Variants in RBM25 observed in about 807,000 individuals in gnomAD.
RBM25 encodes the protein RNA binding motif protein 25.
Under a neutral mutation model 120.7 loss-of-function variants are expected in RBM25, and 19 were observed. That is an observed-to-expected ratio of 0.16 (90% confidence interval 0.11 to 0.23). The LOEUF is 0.23. RBM25 is among the 10% of genes least tolerant of loss of function. The pLI is 1.00. For synonymous variants in RBM25, 390 were observed against 326.7 expected, an observed-to-expected ratio of 1.19 and a Z score of -2.09; for missense variants, 605 against 1,041.5, an observed-to-expected ratio of 0.58 and a Z score of 5.77.
rs1022102595 is a variant in RBM25 at position 73,123,063 on chromosome 14, A to AT, written c.*3264dup. On this transcript the variant is annotated 3_prime_UTR_variant, in exon 19 of 19. Coordinates refer to ENST00000261973, the MANE Select transcript of RBM25 (RefSeq NM_021239.3). ...GCTTTTTTTCCATCCAGCCCTGAAA[A>AT]TTTTTTCTGTAGATAACTTTATGTT... 1.3e-5 allele frequency: 2 copies of AT among 151,870 alleles called. No homozygotes were observed. Among genetic ancestry groups the AT allele is most frequent in the African/African-American group, 4.8e-5 (2 of 41,328 alleles). 9.4% of individuals were successfully genotyped at this position (151,870 alleles called of 1,614,324 possible). A position where few individuals can be genotyped will look rare whatever the true frequency, so the allele number is the denominator to read the frequency against.
chr14:73,101,961 G>A lies in RBM25; in HGVS notation c.868-1231G>A, dbSNP rs144757359. On this transcript the variant is annotated intron_variant, in intron 9 of 18. Coordinates refer to ENST00000261973, the MANE Select transcript of RBM25 (RefSeq NM_021239.3). ...AATGTATTCAGTTTTGACTTTGCCC[G>A]TATTCTACTTCGATATAGACTGGCA... 242 of 151,948 alleles carry A rather than the reference G, an allele frequency of 1.6e-3. 2 individuals are homozygous for A. The highest frequency in any genetic ancestry group is 5.3e-3 in the African/African-American group (221 of 41,400). The allele number at this position is 151,948 out of a possible 1,614,324, so 9.4% of individuals were successfully genotyped here. A position where few individuals can be genotyped will look rare whatever the true frequency, so the allele number is the denominator to read the frequency against.
Position 73,122,107 on chromosome 14 carries a change from C to T in RBM25, c.*2302C>T, listed in dbSNP as rs1428069648. 1 of 152,092 alleles carries T rather than the reference C, an allele frequency of 6.6e-6. No individual in the cohort carries two copies. Among genetic ancestry groups the T allele is most frequent in the African/African-American group, 2.4e-5 (1 of 41,410 alleles). 9.4% of individuals were successfully genotyped at this position (152,092 alleles called of 1,614,324 possible). A position where few individuals can be genotyped will look rare whatever the true frequency, so the allele number is the denominator to read the frequency against. ...ACATTAAACAGGCATATTCTAGTGT[C>T]TGAAAATACACATAAGAAATTTCTA... On this transcript the variant is annotated 3_prime_UTR_variant, in exon 19 of 19. Transcript: ENST00000261973.
chr14:73,083,666 C>T (rs895772856), intron 5 of RBM25, 115 bp downstream of exon 5: 1 of 605,628 alleles, frequency 1.7e-6, no homozygotes, highest in Non-Finnish European at 2.5e-6. Context: ...TTTATTAGCA[C>T]TCTTTGTCCT....
At chr14:73,078,148 C>T (rs1345528445) in intron 4 of RBM25, among the ~76,000 whole-genome samples, 1 of 151,974 alleles carries the variant, frequency 6.6e-6, no homozygotes, top group Non-Finnish European at 1.5e-5. Context: ...ACAAAAAATA[C>T]AAAAATTAGC....
In RBM25 at chr14:73,096,986, G is replaced by A; in HGVS notation, c.615G>A (p.Gln205=). 1 of 1,613,966 alleles carries A rather than the reference G, an allele frequency of 6.2e-7. No individual in the cohort carries two copies. Residue 205 remains glutamine, a synonymous_variant, in exon 7 of 19, where the codon CAG becomes CAA. Transcript: ENST00000261973. The part of the protein sequence containing the change: ...ALDEETKRRD[Q]MIKGAIEVLI... The stretch of plus-strand genomic sequence containing the variant: ...ATGAAGAAACAAAGAGGAGAGATCA[G>A]ATGATTAAAGGGGCTATTGAAGTTT...
At chr14:73,072,822 G>A (rs940375262) in intron 2 of RBM25, among the ~76,000 whole-genome samples, 6 of 152,204 alleles carry the variant, frequency 3.9e-5, no homozygotes, top group African/African-American at 9.6e-5. Context: ...TTTGACTTAA[G>A]AACATTGCAG....
rs1356410663 is a variant in RBM25, at chr14:73,097,191, CTTTTCT to C, written c.729+96_729+101del. On this transcript the variant is annotated intron_variant, in intron 7 of 18. Transcript: ENST00000261973. ...TGATTACATGTCAGTTTTCTTTTTTCTTTTCTTTTTTTTTTTTTTTTTTTTTTGAGA... is the reference window on the plus strand; with the variant it reads ...TGATTACATGTCAGTTTTCTTTTTTCTTTTTTTTTTTTTTTTTTTTTGAGA... 145 of 375,686 alleles carry C rather than the reference CTTTTCT, an allele frequency of 3.9e-4. 13 individuals carry two copies. Among genetic ancestry groups the C allele is most frequent in the African/African-American group, 2.7e-3 (97 of 35,550 alleles). The allele number at this position is 375,686 out of a possible 1,614,324, so 23.3% of individuals were successfully genotyped here.
chr14:73,085,906 A>T (rs941673714), intron 5 of RBM25, among the ~76,000 whole-genome samples: 1 of 152,096 alleles, frequency 6.6e-6, no homozygotes, highest in Non-Finnish European at 1.5e-5. Context: ...GTGTTATTGT[A>T]TTTAATATGG....
At chr14:73,104,914 A>C (rs1028266371) in intron 10 of RBM25, among the ~76,000 whole-genome samples, 1 of 152,110 alleles carries the variant, frequency 6.6e-6, no homozygotes, top group Non-Finnish European at 1.5e-5. Flanking sequence ...AGTAGGCATT[A>C]AAATTATTTC....
intron 10 of RBM25, among the ~76,000 whole-genome samples, chr14:73,103,946 TCTCACA>T (rs1182222796): frequency 5.0e-4 from 22 of 43,924 alleles, no homozygotes; most frequent in Admixed American, 1.6e-3. Flanking sequence ...TCTCTCTCTC[TCTCACA>T]CACACACACA....
intron 6 of RBM25, among the ~76,000 whole-genome samples, chr14:73,089,316 A>AT (rs1387354681): frequency 1.3e-5 from 2 of 152,112 alleles, no homozygotes; most frequent in Non-Finnish European, 2.9e-5. Context: ...GTTTGGATGT[A>AT]TGTTCTTCCA....
At chr14:73,071,417 C>G (rs2140427230) in intron 1 of RBM25, among the ~76,000 whole-genome samples, 1 of 152,008 alleles carries the variant, frequency 6.6e-6, no homozygotes, top group Middle Eastern at 3.4e-3. Context: ...GGAGTCTGTC[C>G]TGAACTTCGA....
intron 10 of RBM25, 140 bp from the exon 11 acceptor site, chr14:73,105,718 AC>A: frequency 7.7e-7 from 1 of 1,293,242 alleles, no homozygotes; most frequent in Non-Finnish European, 1.0e-6. Context: ...AGAGGAGGTT[AC>A]ATAGTTTTAT....
At chr14:73,090,483 G>A (rs567775842) in intron 6 of RBM25, among the ~76,000 whole-genome samples, 3 of 152,144 alleles carry the variant, frequency 2.0e-5, no homozygotes, top group Non-Finnish European at 2.9e-5. Flanking sequence ...GGCATCTCAT[G>A]TCTTTGTTGC....
chr14:73,072,869 G>A (rs1310873296), intron 2 of RBM25, among the ~76,000 whole-genome samples: 1 of 152,180 alleles, frequency 6.6e-6, no homozygotes, highest in Non-Finnish European at 1.5e-5. Flanking sequence ...TTCATAGCAT[G>A]TATGTTACGG....
At chr14:73,088,271 T>G (rs1895735569) in intron 6 of RBM25, 110 bp downstream of exon 6, 1 of 1,362,432 alleles carries the variant, frequency 7.3e-7, no homozygotes, top group African/African-American at 1.4e-5. Flanking sequence ...ATCATGTATG[T>G]GCTTGTGGCT....
intron 1 of RBM25, among the ~76,000 whole-genome samples, chr14:73,071,071 G>T (rs1353424415): frequency 6.6e-6 from 1 of 151,098 alleles, no homozygotes; most frequent in African/African-American, 2.4e-5. Flanking sequence ...GTGAAACCCC[G>T]TCTCTACTGA....
chr14:73,093,546 G>T (rs111558273), intron 6 of RBM25, among the ~76,000 whole-genome samples: 1 of 152,012 alleles, frequency 6.6e-6, no homozygotes, highest in East Asian at 1.9e-4. Flanking sequence ...CACTCTTGTC[G>T]CCCAGGCTGG....
chr14:73,114,173 C>A, intron 17 of RBM25, 113 bp from the exon 18 acceptor site: 2 of 733,652 alleles, frequency 2.7e-6, no homozygotes, highest in Non-Finnish European at 4.4e-6. Flanking sequence ...TAGAATGGTT[C>A]CTTAGCCGCA....
Sources: gnomAD v4.1 joint callset for allele counts (sites outside exome capture counted in the v4.1 genomes callset) on GRCh38, gnomAD v4.1.1 for gene constraint, MANE v1.5 for transcripts, NCBI Gene and HGNC (gene_info 2026-07-23, HGNC 2026-07-21) for gene names.